Variants in SLC24A2 observed in about 807,000 individuals in gnomAD.
The protein encoded by SLC24A2 is sodium/potassium/calcium exchanger 2.
A neutral mutation model predicts 62.0 loss-of-function variants in SLC24A2; 36 were observed. The observed-to-expected ratio is 0.58, with a 90% confidence interval of 0.44 to 0.77. The LOEUF (loss-of-function observed/expected upper bound fraction) is 0.77, where lower values mean the gene tolerates loss of function less well. SLC24A2 is among the 30% of genes least tolerant of loss of function. SLC24A2 has a pLI of 0.00. For missense variants in SLC24A2, 846 were observed against 817.9 expected (o/e 1.03, Z -0.42); for synonymous variants, 358 against 294.0 (o/e 1.22, Z -2.23).
chr9:19,934,920 G>T, the SLC24A2 span, among the ~76,000 whole-genome samples: 1 of 152,098 alleles, frequency 6.6e-6, no homozygotes, highest in Non-Finnish European at 1.5e-5. The surrounding 1 kb of genome is among the most constrained non-coding windows in gnomAD (Gnocchi z 4.1). Context: ...AGAGCTGGCA[G>T]GGGTCTCATG....
the SLC24A2 span, among the ~76,000 whole-genome samples, chr9:19,912,325 G>A: frequency 6.6e-6 from 1 of 152,160 alleles, no homozygotes; most frequent in African/African-American, 2.4e-5. Flanking sequence ...CATGGATAGT[G>A]ATGGGTAGCA....
chr9:20,128,269 A>G, the SLC24A2 span, among the ~76,000 whole-genome samples: 112 of 152,232 alleles, frequency 7.4e-4, 3 homozygotes, highest in East Asian at 0.011. Context: ...TTCTGAATGG[A>G]CTGGTGAGGG....
At chr9:20,150,554 C>A in the SLC24A2 span, among the ~76,000 whole-genome samples, 1 of 151,888 alleles carries the variant, frequency 6.6e-6, no homozygotes, top group South Asian at 2.1e-4. Flanking sequence ...CCACCAAGGT[C>A]TTTTATAATT....
chr9:19,742,100 A>G (rs1821697248), intron 2 of SLC24A2, among the ~76,000 whole-genome samples: 1 of 152,228 alleles, frequency 6.6e-6, no homozygotes, highest in African/African-American at 2.4e-5. Flanking sequence ...TGAAATTCAG[A>G]GGCCAAAAAG....
rs528878925 is a variant in SLC24A2, at chr9:19,508,441, C to A, written c.*7712G>T. 1 of 152,090 alleles carries A rather than the reference C, an allele frequency of 6.6e-6. No individual in the cohort carries two copies. The highest frequency in any genetic ancestry group is 1.5e-5 in the Non-Finnish European group (1 of 68,012). 9.4% of individuals were successfully genotyped at this position (152,090 alleles called of 1,614,324 possible). A position where few individuals can be genotyped will look rare whatever the true frequency, so the allele number is the denominator to read the frequency against. ...TTACTCTATATGGACAATTTAGGTA[C>A]CCAGTTCTGGTGGATTTCTAGACTA... is the stretch of plus-strand genomic sequence containing the variant. On this transcript the variant is annotated 3_prime_UTR_variant, in exon 11 of 11. Transcript: ENST00000341998.
the SLC24A2 span, among the ~76,000 whole-genome samples, chr9:20,146,301 T>C: frequency 1.3e-3 from 196 of 152,256 alleles, no homozygotes; most frequent in African/African-American, 4.7e-3. Context: ...CTGAGTCGTG[T>C]TGAGAGAAAA....
At chr9:19,695,815 C>G (rs1009221861) in intron 2 of SLC24A2, among the ~76,000 whole-genome samples, 6 of 151,466 alleles carry the variant, frequency 4.0e-5, no homozygotes, top group African/African-American at 1.5e-4. Context: ...AGCTAAGTAT[C>G]TCAATACAGA....
At chr9:19,748,534 G>C (rs1263292760) in intron 2 of SLC24A2, among the ~76,000 whole-genome samples, 1 of 152,142 alleles carries the variant, frequency 6.6e-6, no homozygotes, top group Admixed American at 6.5e-5. Context: ...TGTGCAGAAT[G>C]AATGCCTGCA....
chr9:20,276,407 T>C, the SLC24A2 span, among the ~76,000 whole-genome samples: 5 of 152,360 alleles, frequency 3.3e-5, no homozygotes, highest in South Asian at 8.3e-4. Flanking sequence ...GTCACGCTGA[T>C]GCAAGAGTTG....
At chr9:19,829,032 C>T in the SLC24A2 span, among the ~76,000 whole-genome samples, 1 of 152,298 alleles carries the variant, frequency 6.6e-6, no homozygotes, top group South Asian at 2.1e-4. Context: ...CATACTTTTA[C>T]CCACCCTTCC....
the SLC24A2 span, among the ~76,000 whole-genome samples, chr9:20,128,080 G>A: frequency 1.3e-5 from 2 of 151,956 alleles, no homozygotes; most frequent in Admixed American, 6.6e-5. Context: ...AAATGAAATC[G>A]TGTAATTTCA....
chr9:20,228,536 C>T, the SLC24A2 span, among the ~76,000 whole-genome samples: 3 of 151,988 alleles, frequency 2.0e-5, no homozygotes, highest in African/African-American at 7.2e-5. Context: ...AAGGTGACTC[C>T]AAGTGGAAGG....
chr9:19,757,012 C>T (rs1822163321), intron 2 of SLC24A2, among the ~76,000 whole-genome samples: 2 of 147,928 alleles, frequency 1.4e-5, no homozygotes, highest in African/African-American at 5.0e-5. Context: ...TGGGCTCAGG[C>T]AATCTTCCTG....
chr9:19,950,923 G>C, the SLC24A2 span, among the ~76,000 whole-genome samples: 74,203 of 152,012 alleles, frequency 0.49, 18,725 homozygotes, highest in Non-Finnish European at 0.54. Flanking sequence ...TTTGCAAAAT[G>C]GAGAGACTTT....
intron 8 of SLC24A2, among the ~76,000 whole-genome samples, chr9:19,549,105 G>A (rs76568381): frequency 4.3e-3 from 650 of 152,254 alleles, no homozygotes; most frequent in Non-Finnish European, 7.1e-3. Context: ...ATGTTGTTGC[G>A]TTCGGAGCAC....
At chr9:19,824,719 G>A in the SLC24A2 span, among the ~76,000 whole-genome samples, 5 of 151,996 alleles carry the variant, frequency 3.3e-5, no homozygotes, top group Non-Finnish European at 5.9e-5. Flanking sequence ...ACACATGCAC[G>A]TGTATATTTA....
At chr9:19,834,743 C>G in the SLC24A2 span, among the ~76,000 whole-genome samples, 1 of 152,082 alleles carries the variant, frequency 6.6e-6, no homozygotes, top group East Asian at 1.9e-4. Context: ...AGATACTCCT[C>G]GAGAAGAGCA....
chr9:19,841,675 T>C, the SLC24A2 span, among the ~76,000 whole-genome samples: 1 of 152,296 alleles, frequency 6.6e-6, no homozygotes, highest in Non-Finnish European at 1.5e-5. Context: ...GGACACTGAA[T>C]AGGATTGGAA....
chr9:19,764,914 A>T (rs761265169), intron 2 of SLC24A2, among the ~76,000 whole-genome samples: 2 of 152,112 alleles, frequency 1.3e-5, no homozygotes, highest in South Asian at 4.1e-4. Context: ...TCCCACTATT[A>T]CTGTGTGGGA....
Sources: allele counts gnomAD v4.1 joint callset (sites outside exome capture counted in the v4.1 genomes callset), GRCh38; gene constraint gnomAD v4.1.1; non-coding constraint Gnocchi (gnomAD v3.1); transcripts MANE v1.5; gene names NCBI Gene and HGNC (gene_info 2026-07-23, HGNC 2026-07-21).